The following PTPRD variants were observed in gnomAD, a reference collection of about 807,000 sequenced individuals.
PTPRD encodes protein tyrosine phosphatase receptor type D.
A neutral mutation model predicts 214.5 loss-of-function variants in PTPRD; 34 were observed. That is an observed-to-expected ratio of 0.16 (90% CI 0.12 to 0.21). The LOEUF (loss-of-function observed/expected upper bound fraction) is 0.21. Among genes scored for constraint, PTPRD ranks in the 10% least tolerant of loss-of-function variants. The pLI, the probability that PTPRD is intolerant of heterozygous loss-of-function variation, is 1.00. For synonymous variants in PTPRD, 1,128 were observed against 845.7 expected (o/e 1.33, Z -5.79); for missense variants, 2,545 against 2,398.7 (o/e 1.06, Z -1.27).
intron 7 of PTPRD, among the ~76,000 whole-genome samples, chr9:9,690,282 T>C (rs2097246803): frequency 6.6e-6 from 1 of 151,960 alleles, no homozygotes; most frequent in African/African-American, 2.4e-5. Flanking sequence ...CATTTGTGTG[T>C]CTTCTTCTGA....
At chr9:9,115,527 G>A (rs914337206) in intron 10 of PTPRD, among the ~76,000 whole-genome samples, 5 of 152,124 alleles carry the variant, frequency 3.3e-5, no homozygotes, top group Non-Finnish European at 5.9e-5. Flanking sequence ...TACACTGTTG[G>A]TGGGAATGTA....
At chr9:8,342,043 T>A (rs1852922658) in intron 39 of PTPRD, 65 bp from the exon 40 acceptor site, 1 of 1,420,202 alleles carries the variant, frequency 7.0e-7, no homozygotes, top group South Asian at 1.5e-5. Flanking sequence ...ATAATAAAAG[T>A]ATTTTTATTA....
At chr9:10,532,644 A>AAT (rs1220851973) in intron 2 of PTPRD, among the ~76,000 whole-genome samples, 1 of 147,766 alleles carries the variant, frequency 6.8e-6, no homozygotes, top group Admixed American at 6.8e-5. Flanking sequence ...AGATATTTCT[A>AAT]ATATATATAT....
At chr9:9,736,163 A>G (rs1345024879) in intron 6 of PTPRD, among the ~76,000 whole-genome samples, 2 of 152,134 alleles carry the variant, frequency 1.3e-5, no homozygotes, top group African/African-American at 4.8e-5. Flanking sequence ...GATGTCATTG[A>G]ATATATTGTA....
In PTPRD at chr9:8,315,706, G is replaced by A. The variant is rs1002208652; in HGVS notation, c.*2168C>T. ...TCAAATACAATGCTTGCAAATGTTTGGTCTCTTGGATTTCACTCTGCTAGC... is the reference window on the plus strand; with the variant it reads ...TCAAATACAATGCTTGCAAATGTTTAGTCTCTTGGATTTCACTCTGCTAGC... On this transcript the variant is annotated 3_prime_UTR_variant, in exon 46 of 46. Coordinates refer to ENST00000381196, the MANE Select transcript of PTPRD (RefSeq NM_002839.4). 1 of 227,460 alleles carries A rather than the reference G, an allele frequency of 4.4e-6. No homozygotes were observed. Among genetic ancestry groups the A allele is most frequent in the African/African-American group, 2.2e-5 (1 of 44,726 alleles). The allele number at this position is 227,460 out of a possible 1,614,324, so 14.1% of individuals were successfully genotyped here.
chr9:9,048,911 A>T (rs911207836), intron 10 of PTPRD, among the ~76,000 whole-genome samples: 6 of 152,200 alleles, frequency 3.9e-5, no homozygotes, highest in Non-Finnish European at 7.3e-5. Flanking sequence ...GTATCAAAAC[A>T]TCTCATGTAC....
At chr9:8,669,190 C>A (rs1433235741) in intron 12 of PTPRD, among the ~76,000 whole-genome samples, 3 of 152,118 alleles carry the variant, frequency 2.0e-5, no homozygotes, top group Non-Finnish European at 2.9e-5. Context: ...ATGCACACAG[C>A]CCCACTCTGG....
In PTPRD at chr9:8,948,481, TTATATATATATTTATATATATATTTA is replaced by T. The variant is rs1567183047; in HGVS notation, c.-104+70190_-104+70215del. On this transcript the variant is annotated intron_variant, in intron 11 of 45. Transcript: ENST00000381196. Reference sequence around the variant, plus strand: ...TATATATATTTACATATATATATATTTATATATATATTTATATATATATTTATATATATATATTTATATATATATTT... The same window carrying T: ...TATATATATTTACATATATATATATTTATATATATATTTATATATATATTT... 3.4e-3 allele frequency among the ~76,000 whole-genome samples: 52 copies of T among 15,232 alleles called. 6 individuals carry two copies. The highest frequency in any genetic ancestry group is 6.6e-3 in the African/African-American group (43 of 6,508). 10.0% of individuals were successfully genotyped at this position (15,232 alleles called of 152,430 possible).
intron 2 of PTPRD, among the ~76,000 whole-genome samples, chr9:10,378,032 T>C (rs2097762074): frequency 6.6e-6 from 1 of 152,044 alleles, no homozygotes; most frequent in Non-Finnish European, 1.5e-5. Context: ...GCTAACAGCA[T>C]ATGAGGGTTC....
chr9:10,206,558 T>C (rs925551207), intron 3 of PTPRD, among the ~76,000 whole-genome samples: 3 of 152,168 alleles, frequency 2.0e-5, no homozygotes, highest in Non-Finnish European at 4.4e-5. Flanking sequence ...ATGTATCAGA[T>C]AAGGAAAGTG....
chr9:8,373,044 G>T (rs184860553), intron 39 of PTPRD, among the ~76,000 whole-genome samples: 1 of 151,916 alleles, frequency 6.6e-6, no homozygotes, highest in Admixed American at 6.6e-5. Context: ...TATTTTTTGT[G>T]ATTATGTGTA....
Position 9,376,598 on chromosome 9 carries a change from C to T in PTPRD, c.-203+20851G>A, listed in dbSNP as rs189382745. Among the ~76,000 whole-genome samples the T allele has an allele frequency of 2.2e-3, 332 of 152,032 alleles. 2 individuals carry two copies. The highest frequency in any genetic ancestry group is 3.4e-3 in the Non-Finnish European group (228 of 67,978). ...GACATTTAATAAAGTGAAACATTTCCTAAACACTGAAGAGCTTTAAGATAT... is the reference window on the plus strand; with the variant it reads ...GACATTTAATAAAGTGAAACATTTCTTAAACACTGAAGAGCTTTAAGATAT... On this transcript the variant is annotated intron_variant, in intron 9 of 45. Transcript: ENST00000381196.
chr9:10,362,335 AATT>A (rs1002616528), intron 2 of PTPRD, among the ~76,000 whole-genome samples: 11 of 94,750 alleles, frequency 1.2e-4, no homozygotes, highest in South Asian at 6.9e-4. Context: ...CTGACAGAGA[AATT>A]TTTTTTTTTT....
intron 12 of PTPRD, among the ~76,000 whole-genome samples, chr9:8,663,824 A>G (rs113628911): frequency 4.6e-5 from 7 of 151,998 alleles, no homozygotes; most frequent in African/African-American, 1.7e-4. Context: ...ATGGTACTAT[A>G]TTTGCTTAAA....
intron 4 of PTPRD, among the ~76,000 whole-genome samples, chr9:9,958,190 A>G (rs942969125): frequency 6.6e-6 from 1 of 152,222 alleles, no homozygotes; most frequent in Non-Finnish European, 1.5e-5. Flanking sequence ...ATACAGTACC[A>G]AAAACAATCT....
chr9:9,412,596 C>G (rs1226288379), intron 8 of PTPRD, among the ~76,000 whole-genome samples: 1 of 152,124 alleles, frequency 6.6e-6, no homozygotes, highest in Non-Finnish European at 1.5e-5. Flanking sequence ...AGTCACTACG[C>G]GAAGGGGTTT....
At chr9:8,850,045 G>C (rs1484237093) in intron 11 of PTPRD, among the ~76,000 whole-genome samples, 1 of 152,168 alleles carries the variant, frequency 6.6e-6, no homozygotes, top group Non-Finnish European at 1.5e-5. Flanking sequence ...AGGAAGAAAA[G>C]AGATAGGGAT....
At chr9:8,491,218 A>G (rs1008833245) in intron 27 of PTPRD, among the ~76,000 whole-genome samples, 1 of 152,260 alleles carries the variant, frequency 6.6e-6, no homozygotes, top group Non-Finnish European at 1.5e-5. Flanking sequence ...TCTATTGATT[A>G]AGAAGGATCT....
intron 7 of PTPRD, among the ~76,000 whole-genome samples, chr9:9,638,592 C>A (rs2095844894): frequency 6.6e-6 from 1 of 152,190 alleles, no homozygotes; most frequent in South Asian, 2.1e-4. Flanking sequence ...ATGCTCCATT[C>A]ATAGCAAAGT....
Sources: gnomAD v4.1 joint callset for allele counts (sites outside exome capture counted in the v4.1 genomes callset) on GRCh38, gnomAD v4.1.1 for gene constraint, MANE v1.5 for transcripts, NCBI Gene and HGNC (gene_info 2026-07-23, HGNC 2026-07-21) for gene names.